The following NAPB variants were observed in gnomAD, a reference collection of about 807,000 sequenced individuals.
NAPB encodes the protein beta-soluble NSF attachment protein.
NAPB carries 26 observed loss-of-function variants against 44.7 expected under a neutral mutation model. The observed-to-expected ratio is 0.58, with a 90% confidence interval of 0.43 to 0.81. NAPB has a LOEUF of 0.81. NAPB is among the 30% of genes least tolerant of loss of function. NAPB has a pLI of 0.00. For synonymous variants in NAPB, 120 were observed against 116.8 expected (o/e 1.03, Z -0.18); for missense variants, 315 against 356.4 (o/e 0.88, Z 0.94).
chr20:23,392,620 C>T (rs1984050024), intron 5 of NAPB, among the ~76,000 whole-genome samples: 1 of 151,992 alleles, frequency 6.6e-6, no homozygotes, highest in Non-Finnish European at 1.5e-5. Flanking sequence ...GAGCTGTGTT[C>T]ATGCCACTCC....
At chr20:23,406,638 T>G (rs1280856029) in intron 1 of NAPB, among the ~76,000 whole-genome samples, 1 of 152,070 alleles carries the variant, frequency 6.6e-6, no homozygotes, top group African/African-American at 2.4e-5. Flanking sequence ...AATCTACACA[T>G]TAAAAAAAAA....
chr20:23,396,235 C>A (rs1014624150), intron 3 of NAPB, among the ~76,000 whole-genome samples: 1 of 152,200 alleles, frequency 6.6e-6, no homozygotes, highest in Non-Finnish European at 1.5e-5. Flanking sequence ...GATTTTAATG[C>A]CTGCACCATA....
intron 3 of NAPB, 93 bp downstream of exon 3, chr20:23,396,979 T>G: frequency 7.7e-7 from 1 of 1,292,792 alleles, no homozygotes; most frequent in Non-Finnish European, 1.0e-6. Flanking sequence ...TACCAGGACT[T>G]GAAAGCACAC....
At chr20:23,382,779 A>C (rs970404381) in intron 7 of NAPB, among the ~76,000 whole-genome samples, 1 of 152,198 alleles carries the variant, frequency 6.6e-6, no homozygotes, top group African/African-American at 2.4e-5. Flanking sequence ...AACTGACAAA[A>C]AGGAACAGAG....
intron 1 of NAPB, among the ~76,000 whole-genome samples, chr20:23,418,619 C>T (rs1209362131): frequency 1.3e-5 from 2 of 152,088 alleles, no homozygotes; most frequent in Non-Finnish European, 1.5e-5. Flanking sequence ...ATGGTTAAAG[C>T]TCTTTCAGAT....
rs1311463435 is a variant in NAPB, at chr20:23,377,491, T to C, written c.787-5A>G. ...TATTGAGTCAAATTCCTTCACCTAG[T>C]ATAAGGAAAGAGGAACAGGAATTAC... On this transcript the variant is annotated splice_region_variant and splice_polypyrimidine_tract_variant and intron_variant, in intron 10 of 10. Transcript: ENST00000377026. 3 of 1,578,394 alleles carry C rather than the reference T, an allele frequency of 1.9e-6. No homozygotes were observed. Among genetic ancestry groups the C allele is most frequent in the Non-Finnish European group, 1.7e-6 (2 of 1,154,390 alleles).
intron 4 of NAPB, 55 bp from the exon 5 acceptor site, chr20:23,395,054 G>A: frequency 6.2e-7 from 1 of 1,612,118 alleles, no homozygotes; most frequent in Non-Finnish European, 8.5e-7. Context: ...CTGAATGCCA[G>A]TTTGGGAACA....
At chr20:23,417,348 T>A (rs1382942355) in intron 1 of NAPB, among the ~76,000 whole-genome samples, 1 of 152,134 alleles carries the variant, frequency 6.6e-6, no homozygotes, top group Non-Finnish European at 1.5e-5. Flanking sequence ...CCTCCCAGAG[T>A]GCTGGGATTA....
intron 1 of NAPB, among the ~76,000 whole-genome samples, chr20:23,414,685 T>C (rs1985883088): frequency 1.3e-5 from 2 of 152,226 alleles, no homozygotes; most frequent in Admixed American, 1.3e-4. Flanking sequence ...ACTTCCAAGT[T>C]TCCTTACTGT....
At chr20:23,402,555 C>A (rs1166418761) in intron 2 of NAPB, among the ~76,000 whole-genome samples, 1 of 152,142 alleles carries the variant, frequency 6.6e-6, no homozygotes, top group African/African-American at 2.4e-5. Flanking sequence ...TATTGCGTAG[C>A]AGGGAATGGT....
intron 5 of NAPB, among the ~76,000 whole-genome samples, chr20:23,393,005 G>A (rs967892600): frequency 2.0e-5 from 3 of 152,182 alleles, no homozygotes; most frequent in Non-Finnish European, 2.9e-5. Flanking sequence ...AGCCTCTGCT[G>A]GCAAAGATGC....
intron 6 of NAPB, 60 bp downstream of exon 6, chr20:23,390,149 G>T: frequency 6.6e-7 from 1 of 1,522,018 alleles, no homozygotes; most frequent in East Asian, 2.3e-5. Flanking sequence ...GTATAAAGAA[G>T]TATTTTTTTA....
intron 1 of NAPB, among the ~76,000 whole-genome samples, chr20:23,412,505 C>G (rs1985721845): frequency 1.3e-5 from 2 of 152,114 alleles, no homozygotes; most frequent in Non-Finnish European, 2.9e-5. Context: ...TTGTGAAAAT[C>G]TATGTACCAA....
At chr20:23,395,030 C>G in intron 4 of NAPB, 31 bp from the exon 5 acceptor site, 1 of 1,613,154 alleles carries the variant, frequency 6.2e-7, no homozygotes, top group South Asian at 1.1e-5. Context: ...CAGTCACACA[C>G]CGATTTTACC....
chr20:23,386,993 A>T lies in NAPB; in HGVS notation c.561+2953T>A, dbSNP rs145325417. 1.3e-3 allele frequency among the ~76,000 whole-genome samples: 205 copies of T among 152,340 alleles called. 1 individual carries two copies. The highest frequency in any genetic ancestry group is 4.7e-3 in the African/African-American group (194 of 41,582). On this transcript the variant is annotated intron_variant, in intron 7 of 10. Coordinates refer to ENST00000377026, the MANE Select transcript of NAPB (RefSeq NM_022080.3). ...TGGTTCAACATATGAAAATCAATCAATGTAATCTACAATATTAAGCTGATT... is the reference window on the plus strand; with the variant it reads ...TGGTTCAACATATGAAAATCAATCATTGTAATCTACAATATTAAGCTGATT...
intron 1 of NAPB, among the ~76,000 whole-genome samples, chr20:23,408,896 T>C (rs1477142381): frequency 6.6e-6 from 1 of 152,218 alleles, no homozygotes; most frequent in Non-Finnish European, 1.5e-5. Flanking sequence ...ATACAATGTG[T>C]CAATTAAAAA....
chr20:23,420,886 C>G (rs1455707337), intron 1 of NAPB, among the ~76,000 whole-genome samples: 1 of 150,924 alleles, frequency 6.6e-6, no homozygotes, highest in Non-Finnish European at 1.5e-5. Context: ...CTCTGAAAGG[C>G]GCGTGGGGGC....
At chr20:23,381,141 C>A in intron 8 of NAPB, 72 bp downstream of exon 8, 2 of 1,031,492 alleles carry the variant, frequency 1.9e-6, no homozygotes, top group African/African-American at 1.6e-5. Context: ...TGAAATGATA[C>A]CAAGAACAAG....
Position 23,401,237 on chromosome 20 carries a change from G to C in NAPB, c.178+1756C>G, listed in dbSNP as rs1341404337. 1.3e-5 allele frequency among the ~76,000 whole-genome samples: 2 copies of C among 152,142 alleles called. 1 individual carries two copies. Among genetic ancestry groups the C allele is most frequent in the East Asian group, 3.9e-4 (2 of 5,174 alleles). On this transcript the variant is annotated intron_variant, in intron 2 of 10. Transcript: ENST00000377026. ...AGAGACGTCAGCTCTTATTTGGAAT[G>C]ATATGACCTTACTTAACTTGTGTTA... is the stretch of plus-strand genomic sequence containing the variant.
Sources: allele counts gnomAD v4.1 joint callset (sites outside exome capture counted in the v4.1 genomes callset), GRCh38; gene constraint gnomAD v4.1.1; transcripts MANE v1.5; gene names NCBI Gene and HGNC (gene_info 2026-07-23, HGNC 2026-07-21).